RICTOR: variants seen among roughly 807,000 people sequenced by gnomAD.
RICTOR encodes the protein rapamycin-insensitive companion of mTOR.
In RICTOR, 49 loss-of-function variants were observed where a neutral mutation model predicts 214.9. The observed-to-expected ratio is 0.23, with a 90% CI of 0.18 to 0.29. The LOEUF (loss-of-function observed/expected upper bound fraction) is 0.29, where lower values mean the gene tolerates loss of function less well. RICTOR is among the 10% of genes least tolerant of loss of function. RICTOR has a pLI of 1.00. For missense variants in RICTOR, 1,625 were observed against 2,047.0 expected (o/e 0.79, Z 3.98); for synonymous variants, 717 against 711.3 (o/e 1.01, Z -0.13).
chr5:39,059,628 T>A (rs1419420746), intron 2 of RICTOR, among the ~76,000 whole-genome samples: 3 of 152,134 alleles, frequency 2.0e-5, no homozygotes, highest in Non-Finnish European at 4.4e-5. Context: ...TATATTCTTA[T>A]GGTTCCTTTC....
chr5:38,990,486 A>T (rs901918684), intron 7 of RICTOR, among the ~76,000 whole-genome samples: 22 of 98,118 alleles, frequency 2.2e-4, no homozygotes, highest in Admixed American at 4.2e-4. Context: ...AGTATAATTT[A>T]AAAAAATACA....
chr5:39,002,842 GTGT>G (rs1487179307), intron 4 of RICTOR, among the ~76,000 whole-genome samples, 176 bp from the exon 5 acceptor site: 1 of 152,050 alleles, frequency 6.6e-6, no homozygotes, highest in African/African-American at 2.4e-5. Context: ...ATTTCACTTA[GTGT>G]TGTTTTTTTA....
In RICTOR at chr5:38,944,899, A is replaced by G; in HGVS notation, c.4789+14T>C. ...TTTTACTAATAATGATTGGATTTGA[A>G]TCTGAAGACTCACCTAGTAACAATT... On this transcript the variant is annotated intron_variant, in intron 35 of 37. Coordinates refer to ENST00000357387, the MANE Select transcript of RICTOR (RefSeq NM_152756.5). 3 of 1,611,156 alleles carry G rather than the reference A, an allele frequency of 1.9e-6. No individual in the cohort carries two copies. Among genetic ancestry groups the G allele is most frequent in the Non-Finnish European group, 2.5e-6 (3 of 1,177,532 alleles).
chr5:38,947,670 TG>T lies in RICTOR; in HGVS notation c.4137-230del, dbSNP rs202160834. Among the ~76,000 whole-genome samples, 485 of 152,230 alleles carry T rather than the reference TG, an allele frequency of 3.2e-3. 6 individuals carry two copies. Among genetic ancestry groups the T allele is most frequent in the African/African-American group, 0.011 (468 of 41,542 alleles). ...TGACTGTTACCAAAAACAACTGTTA[TG>T]GTCTCTCAGGTAAAGGTGAAAAGGT... is the stretch of plus-strand genomic sequence containing the variant. On this transcript the variant is annotated intron_variant, in intron 31 of 37. Transcript: ENST00000357387.
intron 2 of RICTOR, 76 bp from the exon 3 acceptor site, chr5:39,021,212 T>A: frequency 1.2e-6 from 1 of 825,506 alleles, no homozygotes; most frequent in Non-Finnish European, 2.1e-6. Context: ...CATGCAGTAT[T>A]AAAACTTCAC....
At chr5:38,973,824 G>T (rs1480393714) in intron 10 of RICTOR, among the ~76,000 whole-genome samples, 1 of 152,124 alleles carries the variant, frequency 6.6e-6, no homozygotes, top group Non-Finnish European at 1.5e-5. Flanking sequence ...TAAAAAATGT[G>T]TTCTAAAAGA....
chr5:39,056,007 A>G (rs1758181426), intron 2 of RICTOR, among the ~76,000 whole-genome samples: 1 of 152,200 alleles, frequency 6.6e-6, no homozygotes, highest in African/African-American at 2.4e-5. Context: ...TATTTGGCCC[A>G]ATTAAAGTAC....
chr5:38,990,329 C>G (rs1033565752), intron 7 of RICTOR, among the ~76,000 whole-genome samples: 3 of 151,214 alleles, frequency 2.0e-5, no homozygotes. Flanking sequence ...ACATCACACA[C>G]CGGGGCCTAT....
intron 2 of RICTOR, among the ~76,000 whole-genome samples, chr5:39,066,557 T>A (rs530788191): frequency 6.6e-6 from 1 of 152,252 alleles, no homozygotes; most frequent in Non-Finnish European, 1.5e-5. Context: ...AAAAAGCTTT[T>A]TCTTTCTTTG....
chr5:39,019,609 A>G (rs186330811), intron 3 of RICTOR, among the ~76,000 whole-genome samples: 11 of 152,152 alleles, frequency 7.2e-5, no homozygotes, highest in Non-Finnish European at 1.3e-4. Flanking sequence ...ATTGCTCAGG[A>G]AAAAAAAGGA....
intron 2 of RICTOR, among the ~76,000 whole-genome samples, chr5:39,043,915 C>T (rs79778270): frequency 0.045 from 6,848 of 152,260 alleles, 287 homozygotes; most frequent in African/African-American, 0.1. Flanking sequence ...TGTCGTCAGA[C>T]AGCCCCTCAA....
chr5:38,952,273 G>C lies in RICTOR; in HGVS notation c.3050C>G (p.Ser1017Cys). Reference protein sequence around the residue: ...DVEQLCNELSSIPSTLSLNSE... With the variant: ...DVEQLCNELSCIPSTLSLNSE... ...GTTCAAACTTAGAGTGCTTGGGATA[G>C]ATGAAAGTTCATTACAGAGTTGTTC... The change falls in exon 30 of 38, where the codon TCT (serine) becomes TGT (cysteine). Residue 1017 changes from serine to cysteine, a missense_variant. Coordinates refer to ENST00000357387, the MANE Select transcript of RICTOR (RefSeq NM_152756.5). The C allele has an allele frequency of 9.3e-6, 15 of 1,612,994 alleles. No individual in the cohort carries two copies. Among genetic ancestry groups the C allele is most frequent in the Non-Finnish European group, 1.3e-5 (15 of 1,179,242 alleles).
At chr5:39,052,815 T>C (rs1469872894) in intron 2 of RICTOR, among the ~76,000 whole-genome samples, 6 of 152,174 alleles carry the variant, frequency 3.9e-5, no homozygotes, top group Non-Finnish European at 7.3e-5. Flanking sequence ...CTCTTATCAG[T>C]TTCTTCTAGC....
chr5:39,072,467 C>T (rs749875895), intron 2 of RICTOR, among the ~76,000 whole-genome samples: 1 of 152,190 alleles, frequency 6.6e-6, no homozygotes, highest in Non-Finnish European at 1.5e-5. Context: ...TCCAGCACCA[C>T]ATCTGAGCAG....
In RICTOR at chr5:38,938,242, A is replaced by T. The variant is rs1747181629; in HGVS notation, c.*4062T>A. The T allele has an allele frequency of 4.4e-6, 1 of 226,344 alleles. No homozygotes were observed. Among genetic ancestry groups the T allele is most frequent in the Non-Finnish European group, 8.8e-6 (1 of 113,488 alleles). 14.0% of individuals were successfully genotyped at this position (226,344 alleles called of 1,614,324 possible). On this transcript the variant is annotated 3_prime_UTR_variant, in exon 38 of 38. Coordinates refer to ENST00000357387, the MANE Select transcript of RICTOR (RefSeq NM_152756.5). The stretch of plus-strand genomic sequence containing the variant: ...AATATGTAGCAGCGTATTACTAAAT[A>T]AAAAAGAAGAAACTCATGTGGTTAG...
intron 7 of RICTOR, among the ~76,000 whole-genome samples, chr5:38,985,047 G>A (rs755386172): frequency 7.9e-5 from 12 of 152,080 alleles, no homozygotes; most frequent in Non-Finnish European, 1.5e-4. Context: ...TCTTGACCTC[G>A]TGATCCACCC....
intron 15 of RICTOR, 42 bp from the exon 16 acceptor site, chr5:38,964,934 GAAAGAGT>G: frequency 8.1e-7 from 1 of 1,232,364 alleles, no homozygotes; most frequent in South Asian, 1.3e-5. Flanking sequence ...TTCAGAAGTA[GAAAGAGT>G]TTATGTCACA....
intron 2 of RICTOR, among the ~76,000 whole-genome samples, chr5:39,069,540 C>A (rs1759156119): frequency 6.6e-6 from 1 of 152,130 alleles, no homozygotes; most frequent in Non-Finnish European, 1.5e-5. Flanking sequence ...TAAGTCTGGG[C>A]AGACAATTGA....
intron 2 of RICTOR, among the ~76,000 whole-genome samples, chr5:39,056,659 TAAA>T: frequency 7.0e-6 from 1 of 143,406 alleles, no homozygotes; most frequent in Non-Finnish European, 1.5e-5. Flanking sequence ...GCAAAACGAT[TAAA>T]AAAAAAAAAT....
Sources: gnomAD v4.1 joint callset for allele counts (sites outside exome capture counted in the v4.1 genomes callset) on GRCh38, gnomAD v4.1.1 for gene constraint, MANE v1.5 for transcripts, NCBI Gene and HGNC (gene_info 2026-07-23, HGNC 2026-07-21) for gene names.